NXPH1: variants seen among roughly 807,000 people sequenced by gnomAD.
NXPH1 encodes neurexophilin-1.
Under a neutral mutation model 23.7 loss-of-function variants are expected in NXPH1, and 5 were observed. That is an observed-to-expected ratio of 0.21 (90% CI 0.11 to 0.44). The LOEUF is 0.44. NXPH1 is among the 20% of genes least tolerant of loss of function. NXPH1 has a pLI of 0.99. For missense variants in NXPH1, 324 were observed against 321.6 expected (o/e 1.01, Z -0.06); for synonymous variants, 144 against 122.2 (o/e 1.18, Z -1.18).
chr7:8,688,057 T>C (rs1859362), intron 2 of NXPH1, among the ~76,000 whole-genome samples: 5 of 152,116 alleles, frequency 3.3e-5, no homozygotes, highest in Admixed American at 2.0e-4. Flanking sequence ...TGTGGTTCTT[T>C]GTATAAATGC....
At chr7:8,630,520 T>C (rs946831080) in intron 2 of NXPH1, among the ~76,000 whole-genome samples, 1 of 152,116 alleles carries the variant, frequency 6.6e-6, no homozygotes, top group Non-Finnish European at 1.5e-5. Flanking sequence ...CTAAAGACAG[T>C]TGGCATAACA....
intron 2 of NXPH1, among the ~76,000 whole-genome samples, chr7:8,550,519 T>C (rs1010233693): frequency 2.0e-5 from 3 of 151,572 alleles, no homozygotes; most frequent in East Asian, 2.0e-4. Context: ...CCATGACTTA[T>C]TGGAAGCATA....
chr7:8,584,667 T>A lies in NXPH1; in HGVS notation c.54+148900T>A, dbSNP rs73052508. On this transcript the variant is annotated intron_variant, in intron 2 of 2. Transcript: ENST00000405863. The stretch of plus-strand genomic sequence containing the variant: ...GACTTGTTCAAAAAACATTTGTGAT[T>A]TATTAGATCCTTAACCACTGATTCC... Among the ~76,000 whole-genome samples the A allele has an allele frequency of 9.4e-3, 1,437 of 152,316 alleles. 9 individuals carry two copies. Among genetic ancestry groups the A allele is most frequent in the South Asian group, 0.024 (116 of 4,828 alleles).
At chr7:8,606,372 G>A (rs148082294) in intron 2 of NXPH1, among the ~76,000 whole-genome samples, 319 of 152,160 alleles carry the variant, frequency 2.1e-3, no homozygotes, top group Middle Eastern at 3.4e-3. Context: ...AGAAACCTAC[G>A]TTACTTGTTT....
At chr7:8,470,547 C>A (rs915511971) in intron 2 of NXPH1, among the ~76,000 whole-genome samples, 2 of 152,052 alleles carry the variant, frequency 1.3e-5, no homozygotes, top group African/African-American at 4.8e-5. Flanking sequence ...GGAAAAAATG[C>A]AGAGTAGGAA....
At chr7:8,473,167 T>C (rs73675706) in intron 2 of NXPH1, among the ~76,000 whole-genome samples, 59,462 of 152,060 alleles carry the variant, frequency 0.39, 11,893 homozygotes, top group East Asian at 0.61. Flanking sequence ...AGGGAACACC[T>C]TTCAGATTAA....
At chr7:8,461,342 G>T (rs2040889) in intron 2 of NXPH1, among the ~76,000 whole-genome samples, 23,962 of 152,004 alleles carry the variant, frequency 0.16, 4,792 homozygotes, top group African/African-American at 0.47. Flanking sequence ...GTTGAAGAAA[G>T]AGTAACTTCA....
intron 2 of NXPH1, among the ~76,000 whole-genome samples, chr7:8,675,316 TA>T (rs1191892660): frequency 2.0e-5 from 3 of 151,964 alleles, no homozygotes; most frequent in African/African-American, 7.2e-5. Context: ...TTATTTTATT[TA>T]AAAATTTTTT....
chr7:8,466,155 C>T (rs1816783223), intron 2 of NXPH1, among the ~76,000 whole-genome samples: 1 of 152,248 alleles, frequency 6.6e-6, no homozygotes, highest in African/African-American at 2.4e-5. Context: ...TTAAAAAATA[C>T]AAAAGGATTA....
intron 2 of NXPH1, among the ~76,000 whole-genome samples, chr7:8,504,946 T>G (rs1817497016): frequency 6.6e-6 from 1 of 152,028 alleles, no homozygotes; most frequent in African/African-American, 2.4e-5. Flanking sequence ...TTGAACCACC[T>G]TGTCTATGGT....
intron 2 of NXPH1, among the ~76,000 whole-genome samples, chr7:8,618,299 G>A (rs905653607): frequency 2.6e-5 from 4 of 152,096 alleles, no homozygotes; most frequent in African/African-American, 7.2e-5. Flanking sequence ...ATTATCTGAT[G>A]CCACTGATTC....
intron 2 of NXPH1, among the ~76,000 whole-genome samples, chr7:8,647,269 G>C (rs1245157545): frequency 6.6e-6 from 1 of 152,102 alleles, no homozygotes; most frequent in Non-Finnish European, 1.5e-5. Flanking sequence ...CTCTCCCCAG[G>C]GACTGGACAT....
intron 2 of NXPH1, among the ~76,000 whole-genome samples, chr7:8,677,617 G>T (rs1050937697): frequency 1.3e-5 from 2 of 152,082 alleles, no homozygotes; most frequent in African/African-American, 4.8e-5. Context: ...GCCATATGGA[G>T]CCCATCCCAT....
intron 2 of NXPH1, among the ~76,000 whole-genome samples, chr7:8,495,281 A>C (rs920213916): frequency 1.5e-5 from 2 of 134,038 alleles, no homozygotes; most frequent in Non-Finnish European, 3.3e-5. Context: ...CTTTGCTCTT[A>C]AGGCCTTCAA....
At chr7:8,585,624 C>T (rs1419578500) in intron 2 of NXPH1, among the ~76,000 whole-genome samples, 15 of 152,176 alleles carry the variant, frequency 9.9e-5, no homozygotes, top group Admixed American at 9.8e-4. Flanking sequence ...TGCATCCTTG[C>T]ACTCAATCTG....
At chr7:8,679,665 G>C (rs1212966137) in intron 2 of NXPH1, among the ~76,000 whole-genome samples, 1 of 152,178 alleles carries the variant, frequency 6.6e-6, no homozygotes, top group African/African-American at 2.4e-5. Flanking sequence ...TGTCTGAATT[G>C]GGTGAAGGCT....
At chr7:8,569,269 G>A (rs1818603932) in intron 2 of NXPH1, among the ~76,000 whole-genome samples, 1 of 151,792 alleles carries the variant, frequency 6.6e-6, no homozygotes, top group Non-Finnish European at 1.5e-5. Flanking sequence ...AATTAGAAAA[G>A]GGGGAGGAGC....
chr7:8,441,716 A>G (rs1252376914), intron 2 of NXPH1, among the ~76,000 whole-genome samples: 1 of 152,068 alleles, frequency 6.6e-6, no homozygotes, highest in Non-Finnish European at 1.5e-5. Flanking sequence ...TTGAGATAAT[A>G]TATTTTGGCG....
intron 2 of NXPH1, among the ~76,000 whole-genome samples, chr7:8,550,527 A>G (rs2128619574): frequency 6.6e-6 from 1 of 151,694 alleles, no homozygotes; most frequent in Admixed American, 6.6e-5. Context: ...TATTGGAAGC[A>G]TAGTGCTTCT....
Sources: allele counts gnomAD v4.1 joint callset (sites outside exome capture counted in the v4.1 genomes callset), GRCh38; gene constraint gnomAD v4.1.1; transcripts MANE v1.5; gene names NCBI Gene and HGNC (gene_info 2026-07-23, HGNC 2026-07-21).